PCM1: variants seen among roughly 807,000 people sequenced by gnomAD.
PCM1 encodes the protein pericentriolar material 1.
In PCM1, 157 loss-of-function variants were observed where a neutral mutation model predicts 241.9. The ratio of observed to expected loss-of-function variants is 0.65; its 90% CI spans 0.57 to 0.74. The LOEUF is 0.74. Ranked by LOEUF, PCM1 falls within the 30% of genes least tolerant of loss-of-function variation. The probability of loss-of-function intolerance (pLI) is 0.00; values close to 1 mark genes in which losing one functional copy is unlikely to be tolerated. For missense variants in PCM1, 3,478 were observed against 2,360.1 expected, an observed-to-expected ratio of 1.47 and a Z score of -9.81; for synonymous variants, 1,085 against 784.9, an observed-to-expected ratio of 1.38 and a Z score of -6.39.
rs936990375 is a variant in PCM1, at chr8:18,027,951, A to G, written c.*289A>G. 6.0e-6 allele frequency: 2 copies of G among 331,922 alleles called. No homozygotes were observed. The highest frequency in any genetic ancestry group is 4.2e-5 in the African/African-American group (2 of 47,408). 20.6% of individuals were successfully genotyped at this position (331,922 alleles called of 1,614,324 possible). A position where few individuals can be genotyped will look rare whatever the true frequency, so the allele number is the denominator to read the frequency against. ...ACGAATTTAAAATGTAGTTTTAAAT[A>G]AAGTTTGGACTTATCTATAAAGTAT... On this transcript the variant is annotated 3_prime_UTR_variant, in exon 39 of 39. Coordinates refer to ENST00000325083, the MANE Select transcript of PCM1 (RefSeq NM_006197.4).
chr8:17,985,850 G>A, intron 25 of PCM1, 109 bp from the exon 26 acceptor site: 8 of 813,460 alleles, frequency 9.8e-6, no homozygotes, highest in Middle Eastern at 3.6e-4. Context: ...TGTGAGGGTA[G>A]AAACAGTACA....
intron 6 of PCM1, 37 bp from the exon 7 acceptor site, chr8:17,947,149 A>T: frequency 2.9e-6 from 4 of 1,361,950 alleles, no homozygotes; most frequent in Non-Finnish European, 4.1e-6. Context: ...ATGGATTTTA[A>T]TAGTCAGATA....
In PCM1 at chr8:17,955,494, A is replaced by C; in HGVS notation, c.1313A>C (p.Gln438Pro). Residue 438 changes from glutamine to proline, a missense_variant, in exon 10 of 39, where the codon CAG becomes CCG. Gln to Pro is a moderately conservative substitution (Grantham distance 76). Transcript: ENST00000325083. ...SSSSPQRSVD[Q>P]RSTSAPSASV... is the part of the protein sequence containing the mutation. ...GCCTCTCCACAAAGGAGTGTCGATC[A>C]GAGAAGTACTTCAGCTCCCTCTGCT... The C allele has an allele frequency of 6.2e-7, 1 of 1,610,790 alleles. No individual in the cohort carries two copies. Among genetic ancestry groups the C allele is most frequent in the African/African-American group, 1.3e-5 (1 of 74,938 alleles).
chr8:17,934,424 G>A (rs531511107), intron 2 of PCM1, among the ~76,000 whole-genome samples: 1 of 151,994 alleles, frequency 6.6e-6, no homozygotes, highest in Non-Finnish European at 1.5e-5. Context: ...ACCACACCCG[G>A]CTAATTTTGT....
chr8:18,014,559 T>C, intron 35 of PCM1, 25 bp from the exon 36 acceptor site: 1 of 1,578,282 alleles, frequency 6.3e-7, no homozygotes, highest in East Asian at 2.2e-5. Flanking sequence ...ATTACACTAA[T>C]GTTAAGACTT....
chr8:17,970,958 A>G (rs2076641027), intron 22 of PCM1, among the ~76,000 whole-genome samples: 1 of 152,198 alleles, frequency 6.6e-6, no homozygotes, highest in Non-Finnish European at 1.5e-5. Context: ...AACTTTTCCT[A>G]TAAAAGACTA....
At chr8:17,961,435 C>T (rs982281918) in intron 15 of PCM1, among the ~76,000 whole-genome samples, 7 of 151,316 alleles carry the variant, frequency 4.6e-5, no homozygotes, top group Non-Finnish European at 7.4e-5. Context: ...CTCAGCCTCC[C>T]GAGTAGCTGG....
intron 6 of PCM1, chr8:17,940,162 A>G (rs1417065097): frequency 6.8e-7 from 1 of 1,475,164 alleles, no homozygotes; most frequent in Middle Eastern, 1.7e-4. Flanking sequence ...TACCACGGTA[A>G]GCGGCTTTTT....
rs770648134 is a variant in PCM1, at chr8:18,025,392, C to T, written c.5873C>T (p.Ser1958Phe). 1 of 1,600,762 alleles carries T rather than the reference C, an allele frequency of 6.2e-7. No individual in the cohort carries two copies. The highest frequency in any genetic ancestry group is 1.1e-5 in the South Asian group (1 of 88,844). The part of the protein sequence containing the change: ...EAESGNISQK[S>F]DEEDFVKVED... ...GAATCTGGTAATATAAGTCAAAAGT[C>T]TGATGAAGAAGATTTTGTAAAAGTT... The change falls in exon 37 of 39, where the codon TCT (serine) becomes TTT (phenylalanine). Residue 1958 changes from serine (S) to phenylalanine (F), a missense_variant. By Grantham distance (155) the Ser-to-Phe change is radical (BLOSUM62 -2). Transcript: ENST00000325083.
At chr8:17,948,678 C>T (rs910691357) in intron 7 of PCM1, among the ~76,000 whole-genome samples, 1 of 152,052 alleles carries the variant, frequency 6.6e-6, no homozygotes, top group African/African-American at 2.4e-5. Context: ...AGATTTTTGT[C>T]CCCATTTCTC....
chr8:17,953,910 C>T (rs1764105477), intron 9 of PCM1, among the ~76,000 whole-genome samples: 1 of 152,198 alleles, frequency 6.6e-6, no homozygotes, highest in Non-Finnish European at 1.5e-5. Context: ...ATTCTAGCTG[C>T]TGTCTAATTA....
intron 31 of PCM1, 89 bp from the exon 32 acceptor site, chr8:18,010,520 C>T: frequency 2.2e-6 from 2 of 901,464 alleles, no homozygotes; most frequent in Non-Finnish European, 3.5e-6. Flanking sequence ...GTCTATAATC[C>T]CAGTACTTTG....
At chr8:18,027,071 C>G (rs978386730) in intron 38 of PCM1, among the ~76,000 whole-genome samples, 3 of 152,132 alleles carry the variant, frequency 2.0e-5, no homozygotes, top group East Asian at 3.8e-4. Flanking sequence ...TTGTTGTTCT[C>G]CATCAGTTCA....
intron 6 of PCM1, among the ~76,000 whole-genome samples, chr8:17,945,734 C>A (rs971662286): frequency 1.6e-4 from 24 of 152,242 alleles, no homozygotes; most frequent in African/African-American, 5.5e-4. Context: ...AGCCCATCTG[C>A]ATGCTCCATA....
intron 26 of PCM1, among the ~76,000 whole-genome samples, chr8:17,986,847 T>A (rs957725964): frequency 6.6e-6 from 1 of 151,850 alleles, no homozygotes; most frequent in Non-Finnish European, 1.5e-5. Flanking sequence ...AAGAGTTTCG[T>A]AGTTGATTAG....
chr8:17,964,998 A>C (rs1411175064), intron 18 of PCM1, among the ~76,000 whole-genome samples: 1 of 152,108 alleles, frequency 6.6e-6, no homozygotes, highest in East Asian at 1.9e-4. Context: ...CACGTTACCC[A>C]CACTTCTGTG....
chr8:17,991,802 G>A lies in PCM1; in HGVS notation c.4690+102G>A, dbSNP rs1031268299. 140 of 809,488 alleles carry A rather than the reference G, an allele frequency of 1.7e-4. 1 individual carries two copies. The highest frequency in any genetic ancestry group is 1.4e-4 in the Admixed American group (6 of 41,656). The allele number at this position is 809,488 out of a possible 1,614,324, so 50.1% of individuals were successfully genotyped here. On this transcript the variant is annotated intron_variant, in intron 28 of 38. Coordinates refer to ENST00000325083, the MANE Select transcript of PCM1 (RefSeq NM_006197.4). ...TTTCTGAGATTTTGGTGCACCCATC[G>A]CCTGAGCAGTATACACTGTACCCAG...
At position 17,953,767 on chromosome 8, in the gene PCM1, A is replaced by C. The variant is rs1017987136; in HGVS notation, c.1288+581A>C. Among the ~76,000 whole-genome samples the C allele has an allele frequency of 1.2e-4, 19 of 152,272 alleles. 1 individual carries two copies. The East Asian group carries it at 3.5e-3, about 28-fold the overall frequency. On this transcript the variant is annotated intron_variant, in intron 9 of 38. Coordinates refer to ENST00000325083, the MANE Select transcript of PCM1 (RefSeq NM_006197.4). Reference sequence around the variant, plus strand: ...ACACGTGTTTAACCTTCTTTGTCTAAATCAGATCTAGTCTTCAGTTCCTAT... The same window carrying C: ...ACACGTGTTTAACCTTCTTTGTCTACATCAGATCTAGTCTTCAGTTCCTAT...
intron 23 of PCM1, among the ~76,000 whole-genome samples, chr8:17,978,203 A>G (rs1211628815): frequency 6.6e-6 from 1 of 152,218 alleles, no homozygotes. Context: ...GGGAAGAATT[A>G]TGTCATTAAA....
Sources: gnomAD v4.1 joint callset for allele counts (sites outside exome capture counted in the v4.1 genomes callset) on GRCh38, gnomAD v4.1.1 for gene constraint, MANE v1.5 for transcripts, NCBI Gene and HGNC (gene_info 2026-07-23, HGNC 2026-07-21) for gene names.